Variants in CA10 observed in about 807,000 individuals in gnomAD.
The protein encoded by CA10 is carbonic anhydrase-related protein 10.
A neutral mutation model predicts 44.2 loss-of-function variants in CA10; 14 were observed. The ratio of observed to expected loss-of-function variants is 0.32; its 90% CI spans 0.21 to 0.50. The LOEUF (loss-of-function observed/expected upper bound fraction) is 0.50, where lower values mean the gene tolerates loss of function less well. Among genes scored for constraint, CA10 ranks in the 20% least tolerant of loss-of-function variants. The pLI, the probability that CA10 is intolerant of heterozygous loss-of-function variation, is 0.99. For missense variants in CA10, 350 were observed against 409.7 expected (o/e 0.85, Z 1.26); for synonymous variants, 159 against 141.6 (o/e 1.12, Z -0.87).
At chr17:52,004,276 T>C (rs1985528190) in intron 2 of CA10, among the ~76,000 whole-genome samples, 1 of 151,996 alleles carries the variant, frequency 6.6e-6, no homozygotes, top group Non-Finnish European at 1.5e-5. Flanking sequence ...CAATGCATTT[T>C]ATATACACAC....
intron 4 of CA10, among the ~76,000 whole-genome samples, chr17:51,668,915 G>A (rs983029625): frequency 1.3e-5 from 2 of 152,228 alleles, no homozygotes; most frequent in Non-Finnish European, 2.9e-5. Context: ...TAGCACCTGG[G>A]CCAGCAGCTG....
chr17:51,972,722 C>T (rs1984325745), intron 2 of CA10, among the ~76,000 whole-genome samples: 1 of 151,636 alleles, frequency 6.6e-6, no homozygotes, highest in African/African-American at 2.4e-5. Context: ...ATCTTTTCAC[C>T]TCTGAAGACA....
chr17:51,640,287 C>T (rs763729670), intron 6 of CA10, among the ~76,000 whole-genome samples: 46 of 152,094 alleles, frequency 3.0e-4, no homozygotes, highest in Admixed American at 1.3e-4. Flanking sequence ...GAGGAAGAGA[C>T]GACATCATTT....
At chr17:51,871,050 CTTTTTT>C (rs56319440) in intron 3 of CA10, among the ~76,000 whole-genome samples, 18 of 94,860 alleles carry the variant, frequency 1.9e-4, no homozygotes, top group African/African-American at 4.0e-4. Context: ...TCCCACTTTA[CTTTTTT>C]TTTTTTTTTT....
At chr17:51,725,816 T>G (rs770442619) in intron 4 of CA10, among the ~76,000 whole-genome samples, 33 of 152,224 alleles carry the variant, frequency 2.2e-4, no homozygotes, top group Non-Finnish European at 2.4e-4. Flanking sequence ...TGTGCACTTG[T>G]GCATTCATTA....
chr17:51,939,922 C>T (rs760415438), intron 2 of CA10, among the ~76,000 whole-genome samples: 33 of 151,942 alleles, frequency 2.2e-4, no homozygotes, highest in Non-Finnish European at 3.7e-4. Flanking sequence ...TGATAATTTT[C>T]TTTATAAGGT....
chr17:52,013,674 G>A (rs1015105551), intron 2 of CA10, among the ~76,000 whole-genome samples: 3 of 151,856 alleles, frequency 2.0e-5, no homozygotes, highest in Non-Finnish European at 4.4e-5. Context: ...TTATGTCTTC[G>A]ATGATGGTAT....
At chr17:52,085,701 C>T (rs1204290691) in intron 1 of CA10, among the ~76,000 whole-genome samples, 2 of 152,160 alleles carry the variant, frequency 1.3e-5, no homozygotes, top group Admixed American at 1.3e-4. Context: ...TAAATAACCT[C>T]TTCATGAGAT....
intron 3 of CA10, among the ~76,000 whole-genome samples, chr17:51,898,729 T>C (rs914869422): frequency 2.0e-5 from 3 of 152,128 alleles, no homozygotes; most frequent in Non-Finnish European, 2.9e-5. Flanking sequence ...ATTTCAGAAC[T>C]CATTCTTGGT....
Position 51,631,344 on chromosome 17 carries a change from ATGTTTGCATG to A in CA10, c.*230_*239del, listed in dbSNP as rs1291448398. On this transcript the variant is annotated 3_prime_UTR_variant, in exon 9 of 9. Coordinates refer to ENST00000451037, the MANE Select transcript of CA10 (RefSeq NM_020178.5). The stretch of plus-strand genomic sequence containing the variant: ...TGTAAGAGTGTGTGTGTGTGTAGGT[ATGTTTGCATG>A]TGTTTGTATGTATGTGCAAGTGCTT... 1.8e-6 allele frequency: 1 copy of A among 550,732 alleles called. No individual in the cohort carries two copies. The highest frequency in any genetic ancestry group is 3.3e-6 in the Non-Finnish European group (1 of 306,234). 34.1% of individuals were successfully genotyped at this position (550,732 alleles called of 1,614,324 possible). A position where few individuals can be genotyped will look rare whatever the true frequency, so the allele number is the denominator to read the frequency against.
At chr17:51,988,525 A>AT (rs1280382428) in intron 2 of CA10, among the ~76,000 whole-genome samples, 4 of 151,762 alleles carry the variant, frequency 2.6e-5, no homozygotes, top group Non-Finnish European at 5.9e-5. Flanking sequence ...GGGTGATTTA[A>AT]TTTTTTTTCC....
chr17:51,907,493 C>T (rs1013847422), intron 3 of CA10, among the ~76,000 whole-genome samples: 6 of 152,004 alleles, frequency 3.9e-5, no homozygotes, highest in Admixed American at 6.6e-5. Flanking sequence ...TATATATCTA[C>T]GTACTTTATT....
intron 3 of CA10, among the ~76,000 whole-genome samples, chr17:51,792,388 C>T (rs952091104): frequency 6.6e-6 from 1 of 152,170 alleles, no homozygotes; most frequent in African/African-American, 2.4e-5. Flanking sequence ...GTGATCATAG[C>T]TAAGCATAAT....
intron 2 of CA10, among the ~76,000 whole-genome samples, chr17:52,066,818 T>A (rs1448280723): frequency 6.6e-6 from 1 of 152,158 alleles, no homozygotes; most frequent in Non-Finnish European, 1.5e-5. Flanking sequence ...ACCCCAGAGA[T>A]CTGTGGAGCT....
At chr17:51,732,577 A>G (rs1238772073) in intron 4 of CA10, among the ~76,000 whole-genome samples, 4 of 152,172 alleles carry the variant, frequency 2.6e-5, no homozygotes, top group Non-Finnish European at 5.9e-5. Context: ...TGTCTGCATA[A>G]CCGACAGTGT....
intron 4 of CA10, among the ~76,000 whole-genome samples, chr17:51,660,479 A>G (rs566469717): frequency 6.6e-6 from 1 of 152,368 alleles, no homozygotes; most frequent in East Asian, 1.9e-4. Context: ...CACTTGTCAT[A>G]GGTTAAGCTG....
At chr17:51,657,110 T>C (rs773452756) in intron 4 of CA10, among the ~76,000 whole-genome samples, 52 of 152,202 alleles carry the variant, frequency 3.4e-4, no homozygotes, top group Non-Finnish European at 6.2e-4. Flanking sequence ...ATGTGCTCTA[T>C]AGGCCTTTGC....
chr17:51,758,904 G>A (rs543385482), intron 3 of CA10, among the ~76,000 whole-genome samples: 2 of 152,256 alleles, frequency 1.3e-5, no homozygotes, highest in South Asian at 4.1e-4. Context: ...TATGGCCAGT[G>A]GGTTCAAGAG....
chr17:51,839,349 C>T (rs1341758492), intron 3 of CA10, among the ~76,000 whole-genome samples: 6 of 151,604 alleles, frequency 4.0e-5, no homozygotes, highest in South Asian at 2.1e-4. Context: ...AAAAATTAGC[C>T]GGGCGTGGTG....
Sources: gnomAD v4.1 joint callset for allele counts (sites outside exome capture counted in the v4.1 genomes callset) on GRCh38, gnomAD v4.1.1 for gene constraint, MANE v1.5 for transcripts, NCBI Gene and HGNC (gene_info 2026-07-23, HGNC 2026-07-21) for gene names.